Variants in MRPS6 observed in about 807,000 individuals in gnomAD.
The protein encoded by MRPS6 is small ribosomal subunit protein bS6m.
A neutral mutation model predicts 13.1 loss-of-function variants in MRPS6; 6 were observed. The observed-to-expected ratio is 0.46, with a 90% CI of 0.25 to 0.91. The LOEUF (loss-of-function observed/expected upper bound fraction) is 0.91, where lower values mean the gene tolerates loss of function less well. Ranked by LOEUF, MRPS6 falls within the 40% of genes least tolerant of loss-of-function variation. MRPS6 has a pLI of 0.18. For synonymous variants in MRPS6, 61 were observed against 56.5 expected (o/e 1.08, Z -0.36); for missense variants, 164 against 155.6 (o/e 1.05, Z -0.29).
intron 1 of MRPS6, chr21:34,095,065 A>C: frequency 9.7e-7 from 1 of 1,031,088 alleles, no homozygotes; most frequent in Non-Finnish European, 1.3e-6. Flanking sequence ...CAAAGGACAA[A>C]GACTTTGACC....
At chr21:34,082,083 A>G (rs1342433129) in intron 1 of MRPS6, among the ~76,000 whole-genome samples, 6 of 151,440 alleles carry the variant, frequency 4.0e-5, no homozygotes, top group Admixed American at 3.9e-4. Context: ...TTGCCAACTA[A>G]TTGAATACTT....
intron 1 of MRPS6, chr21:34,122,561 C>A (rs1980157849): frequency 1.3e-5 from 2 of 151,960 alleles, no homozygotes; most frequent in African/African-American, 4.8e-5. Flanking sequence ...ACTTTATAAG[C>A]TCTTACTTCA....
Position 34,142,807 on chromosome 21 carries a change from C to CATTG in MRPS6, c.*207_*208insATTG. ...GACAGCTTCTCTGTAACCTGCAGTA[C>CATTG]CAGTGGATCGTTCTTGATTTTGTTT... is the stretch of plus-strand genomic sequence containing the variant. On this transcript the variant is annotated 3_prime_UTR_variant, in exon 3 of 3. Coordinates refer to ENST00000399312, the MANE Select transcript of MRPS6 (RefSeq NM_032476.4). 1 of 464,150 alleles carries CATTG rather than the reference C, an allele frequency of 2.2e-6. No homozygotes were observed. Among genetic ancestry groups the CATTG allele is most frequent in the East Asian group, 3.6e-5 (1 of 27,558 alleles). The allele number at this position is 464,150 out of a possible 1,614,324, so 28.8% of individuals were successfully genotyped here. A position where few individuals can be genotyped will look rare whatever the true frequency, so the allele number is the denominator to read the frequency against.
At chr21:34,083,054 G>C (rs750119202) in intron 1 of MRPS6, among the ~76,000 whole-genome samples, 48 of 152,122 alleles carry the variant, frequency 3.2e-4, no homozygotes, top group Non-Finnish European at 5.9e-4. Context: ...CCCCAGAATC[G>C]AGAATTCCTG....
intron 2 of MRPS6, among the ~76,000 whole-genome samples, chr21:34,127,384 T>A (rs1401609282): frequency 6.6e-6 from 1 of 152,146 alleles, no homozygotes; most frequent in East Asian, 1.9e-4. Flanking sequence ...AAAGGAGAAG[T>A]AGGGTGTGTG....
At chr21:34,095,229 G>A (rs749241112) in intron 1 of MRPS6, 34 of 1,613,152 alleles carry the variant, frequency 2.1e-5, no homozygotes, top group Non-Finnish European at 2.9e-5. Flanking sequence ...AGCAGACATT[G>A]CCATAGTGGC....
intron 1 of MRPS6, chr21:34,100,036 G>A: frequency 6.3e-6 from 6 of 952,222 alleles, no homozygotes; most frequent in Non-Finnish European, 7.6e-6. Context: ...CTGACTAAAT[G>A]GGTCCTAAAT....
Position 34,127,401 on chromosome 21 carries a change from A to G in MRPS6, c.185+1921A>G, listed in dbSNP as rs77925059. On this transcript the variant is annotated intron_variant, in intron 2 of 2. Transcript: ENST00000399312. The stretch of plus-strand genomic sequence containing the variant: ...AGGAGAAGTAGGGTGTGTGTGATCA[A>G]TTAGATGTGGGAAGCCTTACATGAT... Among the ~76,000 whole-genome samples the G allele has an allele frequency of 9.4e-3, 1,434 of 152,326 alleles. 32 individuals are homozygous for G. The highest frequency in any genetic ancestry group is 0.033 in the African/African-American group (1,366 of 41,572).
At chr21:34,080,744 T>C (rs1027711586) in intron 1 of MRPS6, among the ~76,000 whole-genome samples, 6 of 152,240 alleles carry the variant, frequency 3.9e-5, no homozygotes, top group Non-Finnish European at 5.9e-5. Context: ...GAGTCTTTCA[T>C]GTTTGTTCTG....
rs138474499 is a variant in MRPS6 at position 34,115,349 on chromosome 21, C to A, written c.46-9992C>A. Among the ~76,000 whole-genome samples, 7 of 152,296 alleles carry A rather than the reference C, an allele frequency of 4.6e-5. No homozygotes were observed. In the East Asian group the frequency reaches 1.4e-3, roughly 29 times the overall value. ...TGCATGGCCATAGAATGGGCAGGCTCCTGTTTCCACATCCCTTGGCTTCAT... is the reference window on the plus strand; with the variant it reads ...TGCATGGCCATAGAATGGGCAGGCTACTGTTTCCACATCCCTTGGCTTCAT... On this transcript the variant is annotated intron_variant, in intron 1 of 2. Transcript: ENST00000399312.
intron 2 of MRPS6, among the ~76,000 whole-genome samples, chr21:34,134,362 T>C (rs1171736357): frequency 6.6e-6 from 1 of 152,172 alleles, no homozygotes; most frequent in Non-Finnish European, 1.5e-5. Context: ...GTTTGTACCG[T>C]TTTTATTTCG....
chr21:34,096,251 C>T lies in MRPS6; in HGVS notation c.45+22506C>T. The T allele has an allele frequency of 6.2e-7, 1 of 1,614,136 alleles. No individual in the cohort carries two copies. The highest frequency in any genetic ancestry group is 1.1e-5 in the South Asian group (1 of 91,082). ...GAGCTGGTTGCTCCAATATTGCTTA[C>T]CCACGCCTGGTGATGAAGCTGGTTC... On this transcript the variant is annotated intron_variant, in intron 1 of 2. Coordinates refer to ENST00000399312, the MANE Select transcript of MRPS6 (RefSeq NM_032476.4). The surrounding 1 kb of genome is among the most constrained non-coding windows in gnomAD (Gnocchi z 5.9).
chr21:34,081,475 A>G (rs1157776698), intron 1 of MRPS6, among the ~76,000 whole-genome samples: 1 of 152,164 alleles, frequency 6.6e-6, no homozygotes, highest in African/African-American at 2.4e-5. Context: ...TTTGTTTTCT[A>G]TTATAAATGA....
intron 1 of MRPS6, among the ~76,000 whole-genome samples, chr21:34,078,426 C>G (rs1339380837): frequency 1.3e-5 from 2 of 152,080 alleles, no homozygotes; most frequent in African/African-American, 4.8e-5. Context: ...CCTTCCTCAC[C>G]AGATATGGTT....
At chr21:34,081,907 G>T (rs1281856517) in intron 1 of MRPS6, among the ~76,000 whole-genome samples, 4 of 152,060 alleles carry the variant, frequency 2.6e-5, no homozygotes, top group Non-Finnish European at 4.4e-5. Context: ...TACAGTTCTT[G>T]TTAAGTAAAT....
intron 1 of MRPS6, among the ~76,000 whole-genome samples, chr21:34,092,766 C>T (rs1442957523): frequency 6.6e-6 from 1 of 152,060 alleles, no homozygotes; most frequent in African/African-American, 2.4e-5. Flanking sequence ...ACCCTATTTC[C>T]CCCCCAACGG....
chr21:34,121,329 A>G (rs1349367641), intron 1 of MRPS6, among the ~76,000 whole-genome samples: 1 of 152,196 alleles, frequency 6.6e-6, no homozygotes, highest in Non-Finnish European at 1.5e-5. Context: ...GCAACAGGAA[A>G]ATCGAGAACT....
chr21:34,083,579 G>C (rs546244906), intron 1 of MRPS6, among the ~76,000 whole-genome samples: 3 of 152,320 alleles, frequency 2.0e-5, no homozygotes, highest in African/African-American at 7.2e-5. Context: ...GTCATGGGTT[G>C]TTTTGATTGC....
At chr21:34,099,122 G>C in intron 1 of MRPS6, 1 of 999,624 alleles carries the variant, frequency 1.0e-6, no homozygotes, top group Non-Finnish European at 1.2e-6. Context: ...GAAGGACTGA[G>C]TCTGTAAATG....
Sources: allele counts gnomAD v4.1 joint callset (sites outside exome capture counted in the v4.1 genomes callset), GRCh38; gene constraint gnomAD v4.1.1; non-coding constraint Gnocchi (gnomAD v3.1); transcripts MANE v1.5; gene names NCBI Gene and HGNC (gene_info 2026-07-23, HGNC 2026-07-21).